The following SYNE1 variants were observed in gnomAD, a reference collection of about 807,000 sequenced individuals.
The protein encoded by SYNE1 is nesprin-1.
A neutral mutation model predicts 1,111.0 loss-of-function variants in SYNE1; 616 were observed. The observed-to-expected ratio is 0.55, with a 90% CI of 0.52 to 0.59. The LOEUF (loss-of-function observed/expected upper bound fraction) is 0.59. Among genes scored for constraint, SYNE1 ranks in the 20% least tolerant of loss-of-function variants. The probability of loss-of-function intolerance (pLI) is 0.00; values close to 1 mark genes in which losing one functional copy is unlikely to be tolerated. For missense variants in SYNE1, 10,006 were observed against 10,417.0 expected, an observed-to-expected ratio of 0.96 and a Z score of 1.72; for synonymous variants, 3,855 against 3,825.8, an observed-to-expected ratio of 1.01 and a Z score of -0.28.
chr6:152,124,274 A>G (rs554738465), intron 145 of SYNE1, among the ~76,000 whole-genome samples: 1 of 152,148 alleles, frequency 6.6e-6, no homozygotes, highest in East Asian at 1.9e-4. Flanking sequence ...ACACCACTGC[A>G]CTCCATCCTG....
intron 14 of SYNE1, among the ~76,000 whole-genome samples, chr6:152,475,340 C>T (rs1348302869): frequency 6.6e-6 from 1 of 152,164 alleles, no homozygotes; most frequent in Non-Finnish European, 1.5e-5. Flanking sequence ...ACCAACCAAA[C>T]ATTATAGCTT....
At chr6:152,154,831 A>AACT in intron 133 of SYNE1, 61 bp downstream of exon 133, 2 of 1,596,668 alleles carry the variant, frequency 1.3e-6, no homozygotes, top group South Asian at 2.2e-5. Flanking sequence ...TTGGAACTCC[A>AACT]ACTACCAGCT....
intron 6 of SYNE1, among the ~76,000 whole-genome samples, chr6:152,514,628 A>T (rs1007183244): frequency 5.9e-5 from 9 of 151,824 alleles, no homozygotes; most frequent in Non-Finnish European, 8.8e-5. Context: ...AGTATAATTT[A>T]AAAAAATAAT....
At chr6:152,311,196 C>G in intron 87 of SYNE1, 3 of 353,734 alleles carry the variant, frequency 8.5e-6, no homozygotes, top group South Asian at 6.5e-5. Context: ...AGTGAAAAAC[C>G]CAAACATACT....
At position 152,540,004 on chromosome 6, in the gene SYNE1, G is replaced by C; in HGVS notation, c.85C>G (p.Gln29Glu). The C allele has an allele frequency of 1.2e-6, 2 of 1,613,786 alleles. No individual in the cohort carries two copies. Among genetic ancestry groups the C allele is most frequent in the Non-Finnish European group, 1.7e-6 (2 of 1,179,864 alleles). The change falls in exon 4 of 146, where the codon CAA (glutamine) becomes GAA (glutamate). Residue 29 changes from glutamine (Q) to glutamate (E), a missense_variant. Gln to Glu is a conservative substitution (Grantham distance 29, BLOSUM62 2). Around this residue, in one of 7 missense-constraint regions of SYNE1, gnomAD observed 1,971 missense variants for 2,084.1 expected, o/e 0.95. Coordinates refer to ENST00000367255, the MANE Select transcript of SYNE1 (RefSeq NM_182961.4). Reference sequence around the variant, plus strand: ...ATCCATTTTGTGAAAGTTCGTTTTTGTACTATCTCTTGCTCATCTAGAAGG... The same window carrying C: ...ATCCATTTTGTGAAAGTTCGTTTTTCTACTATCTCTTGCTCATCTAGAAGG... Reference protein sequence around the residue: ...QRLQDEQEIVQKRTFTKWINS... With the variant: ...QRLQDEQEIVEKRTFTKWINS...
intron 38 of SYNE1, among the ~76,000 whole-genome samples, chr6:152,426,035 T>C (rs2098347545): frequency 6.6e-6 from 1 of 152,204 alleles, no homozygotes; most frequent in East Asian, 1.9e-4. Context: ...TAGGCCAAAC[T>C]GGAGAACTTA....
In SYNE1 at chr6:152,354,729, T is replaced by C. The variant is rs1563302625; in HGVS notation, c.10856A>G (p.Glu3619Gly). ...QVDEWLKTAE[E>G]KVSPRTRRQS... ...ACGTCTGGTCCTGGGACTAACTTTCTCCTCTGCTGTTTTGAGCCATTCATC... is the reference window on the plus strand; with the variant it reads ...ACGTCTGGTCCTGGGACTAACTTTCCCCTCTGCTGTTTTGAGCCATTCATC... Residue 3619 changes from glutamate to glycine, a missense_variant, in exon 67 of 146, where the codon GAG becomes GGG. By Grantham distance (98) the Glu-to-Gly change is moderately conservative. Transcript: ENST00000367255. 1.2e-6 allele frequency: 2 copies of C among 1,614,110 alleles called. No individual in the cohort carries two copies. Among genetic ancestry groups the C allele is most frequent in the African/African-American group, 2.7e-5 (2 of 74,932 alleles).
intron 126 of SYNE1, among the ~76,000 whole-genome samples, chr6:152,203,874 A>G (rs1264767672): frequency 6.6e-6 from 1 of 152,206 alleles, no homozygotes; most frequent in South Asian, 2.1e-4. Context: ...ATTGTCTATC[A>G]GGGACAGAGT....
Position 152,149,473 on chromosome 6 carries a change from A to C in SYNE1, c.24642+4T>G, listed in dbSNP as rs763961815. 4 of 1,614,042 alleles carry C rather than the reference A, an allele frequency of 2.5e-6. No homozygotes were observed. Among genetic ancestry groups the C allele is most frequent in the Middle Eastern group, 1.6e-4 (1 of 6,062 alleles). On this transcript the variant is annotated splice_donor_region_variant and intron_variant, in intron 136 of 145. Coordinates refer to ENST00000367255, the MANE Select transcript of SYNE1 (RefSeq NM_182961.4). ...TGACAACTAAGAAAATCAATGTTAC[A>C]TACAGGCAGGCGGATCAGTTTCTTA...
At chr6:152,506,632 C>G (rs948908877) in intron 8 of SYNE1, among the ~76,000 whole-genome samples, 2 of 151,990 alleles carry the variant, frequency 1.3e-5, no homozygotes, top group South Asian at 2.1e-4. Context: ...ACCTCCACCC[C>G]CCAGGCTCAA....
chr6:152,558,376 T>C (rs1392248278), intron 3 of SYNE1, among the ~76,000 whole-genome samples: 1 of 152,206 alleles, frequency 6.6e-6, no homozygotes, highest in Admixed American at 6.5e-5. Flanking sequence ...CTAAATTCTT[T>C]AATCAAAAGA....
At chr6:152,373,470 C>T (rs543337108) in intron 58 of SYNE1, among the ~76,000 whole-genome samples, 27 of 152,044 alleles carry the variant, frequency 1.8e-4, no homozygotes, top group East Asian at 5.8e-4. Context: ...TTAGTAAAGA[C>T]GGGGTTTCAC....
intron 75 of SYNE1, among the ~76,000 whole-genome samples, chr6:152,338,393 G>T (rs2096454328): frequency 6.6e-6 from 1 of 152,074 alleles, no homozygotes; most frequent in African/African-American, 2.4e-5. Flanking sequence ...AGGCCAAGGA[G>T]GGAGGATTGC....
intron 11 of SYNE1, among the ~76,000 whole-genome samples, chr6:152,497,534 C>T (rs35339721): frequency 0.2 from 29,902 of 152,074 alleles, 3,116 homozygotes; most frequent in Middle Eastern, 0.32. Context: ...TCATTGTGAG[C>T]CTGAGGACAG....
In SYNE1 at chr6:152,376,592, A is replaced by G. The variant is rs773464251; in HGVS notation, c.9147-34T>C. 1.7e-5 allele frequency: 27 copies of G among 1,610,430 alleles called. No individual in the cohort carries two copies. In the East Asian group the frequency reaches 6.0e-4, roughly 36 times the overall value. ...GTGACGCAAAAATTTAATGGCAGGA[A>G]AAAGCGATAAAGTTGATGAAAATCA... On this transcript the variant is annotated intron_variant, in intron 57 of 145. Coordinates refer to ENST00000367255, the MANE Select transcript of SYNE1 (RefSeq NM_182961.4).
At chr6:152,322,037 G>A (rs2095880227) in intron 82 of SYNE1, 151 bp from the exon 83 acceptor site, 2 of 760,376 alleles carry the variant, frequency 2.6e-6, no homozygotes, top group South Asian at 3.3e-5. Flanking sequence ...AAATAACACT[G>A]CAGTTCATGT....
chr6:152,395,540 A>T lies in SYNE1; in HGVS notation c.7688T>A (p.Phe2563Tyr). Residue 2563 changes from phenylalanine (F) to tyrosine (Y), a missense_variant, in exon 51 of 146, where the codon TTT becomes TAT. Phe to Tyr is a conservative substitution (Grantham distance 22). Coordinates refer to ENST00000367255, the MANE Select transcript of SYNE1 (RefSeq NM_182961.4). ...CCTTGCAGCCAGCAGTTCTCCCAAA[A>T]ACATTTCAACTTTATGAACTTCATT... is the stretch of plus-strand genomic sequence containing the variant. The part of the protein sequence containing the change: ...KKNEVHKVEM[F>Y]LGELLAARES... 4.3e-6 allele frequency: 7 copies of T among 1,613,966 alleles called. No homozygotes were observed. The highest frequency in any genetic ancestry group is 5.1e-6 in the Non-Finnish European group (6 of 1,179,962).
chr6:152,258,117 T>C (rs1228542800), intron 101 of SYNE1, among the ~76,000 whole-genome samples: 1 of 152,174 alleles, frequency 6.6e-6, no homozygotes, highest in Non-Finnish European at 1.5e-5. Flanking sequence ...GAAAAATAGA[T>C]ATAAATACAA....
chr6:152,503,139 A>C (rs562081566), intron 9 of SYNE1, among the ~76,000 whole-genome samples: 1 of 152,338 alleles, frequency 6.6e-6, no homozygotes, highest in South Asian at 2.1e-4. Context: ...TGGCATAAAT[A>C]GGAAGTACAA....
Sources: allele counts gnomAD v4.1 joint callset (sites outside exome capture counted in the v4.1 genomes callset), GRCh38; gene constraint gnomAD v4.1.1; regional missense constraint gnomAD v4.1.1; transcripts MANE v1.5; gene names NCBI Gene and HGNC (gene_info 2026-07-23, HGNC 2026-07-21).